The following TNIK variants were observed in gnomAD, a reference collection of about 807,000 sequenced individuals.
TNIK encodes the protein TRAF2 and NCK interacting kinase, also known as TRAF2 and NCK-interacting protein kinase.
A neutral mutation model predicts 191.3 loss-of-function variants in TNIK; 49 were observed. The ratio of observed to expected loss-of-function variants is 0.26; its 90% CI spans 0.20 to 0.32. The LOEUF is 0.32. Ranked by LOEUF, TNIK falls within the 10% of genes least tolerant of loss-of-function variation. The pLI is 1.00. For synonymous variants in TNIK, 594 were observed against 600.9 expected, an observed-to-expected ratio of 0.99 and a Z score of 0.17; for missense variants, 1,155 against 1,702.3, an observed-to-expected ratio of 0.68 and a Z score of 5.66.
intron 7 of TNIK, among the ~76,000 whole-genome samples, chr3:171,187,191 A>T (rs1737469161): frequency 6.6e-6 from 1 of 152,216 alleles, no homozygotes; most frequent in Non-Finnish European, 1.5e-5. Context: ...GCTTGTAGCT[A>T]ATCATGATAC....
chr3:171,456,890 G>A (rs1009156280), intron 1 of TNIK, among the ~76,000 whole-genome samples: 5 of 152,198 alleles, frequency 3.3e-5, no homozygotes, highest in Admixed American at 2.0e-4. Context: ...GAGGAGTCAG[G>A]AAATCTAGAT....
intron 12 of TNIK, among the ~76,000 whole-genome samples, chr3:171,147,496 A>C (rs1731793985): frequency 6.6e-6 from 1 of 152,204 alleles, no homozygotes; most frequent in Non-Finnish European, 1.5e-5. Context: ...CTATAGGGTA[A>C]GGGCATGATT....
chr3:171,077,071 TCC>T (rs34196156), intron 28 of TNIK, among the ~76,000 whole-genome samples: 1 of 142,888 alleles, frequency 7.0e-6, no homozygotes, highest in Non-Finnish European at 1.5e-5. Flanking sequence ...CCTTTCTTGT[TCC>T]CCCCCCCCTT....
intron 2 of TNIK, among the ~76,000 whole-genome samples, chr3:171,343,862 AG>A (rs1711703041): frequency 6.6e-6 from 1 of 152,190 alleles, no homozygotes; most frequent in African/African-American, 2.4e-5. Context: ...GGCATAAATG[AG>A]TTTAGATGCC....
rs1733690949 is a variant in TNIK, at chr3:171,159,473, A to G, written c.1016+1797T>C. Among the ~76,000 whole-genome samples, 2 of 152,300 alleles carry G rather than the reference A, an allele frequency of 1.3e-5. No homozygotes were observed. Among genetic ancestry groups the G allele is most frequent in the South Asian group, 2.1e-4 (1 of 4,824 alleles). ...CTTTGTTCGTGATGTTCCATAGACA[A>G]TGCTTGGCGTCTACTCACAAGCCTT... On this transcript the variant is annotated intron_variant, in intron 11 of 32. Coordinates refer to ENST00000436636, the MANE Select transcript of TNIK (RefSeq NM_015028.4). This position sits in a 1 kb window ranked among gnomAD's most constrained non-coding sequence, Gnocchi z 4.1.
chr3:171,085,824 A>G (rs901886494), intron 24 of TNIK, among the ~76,000 whole-genome samples: 5 of 152,208 alleles, frequency 3.3e-5, no homozygotes, highest in Non-Finnish European at 4.4e-5. Flanking sequence ...CCTTAAAAGA[A>G]TAATTACATT....
intron 9 of TNIK, among the ~76,000 whole-genome samples, chr3:171,172,417 A>G (rs1195877463): frequency 6.6e-6 from 1 of 152,250 alleles, no homozygotes; most frequent in Non-Finnish European, 1.5e-5. Context: ...AAATAATTAA[A>G]ATAAAAAACA....
intron 1 of TNIK, among the ~76,000 whole-genome samples, chr3:171,422,425 A>G (rs758289996): frequency 2.1e-4 from 32 of 152,198 alleles, no homozygotes; most frequent in Non-Finnish European, 4.4e-4. Flanking sequence ...TAGTAAGTCC[A>G]ACTGTAAACA....
chr3:171,332,475 G>T (rs780996448), intron 2 of TNIK, among the ~76,000 whole-genome samples: 1 of 152,106 alleles, frequency 6.6e-6, no homozygotes, highest in Non-Finnish European at 1.5e-5. Flanking sequence ...ACCTCAGCTC[G>T]CAGTGCCACC....
intron 7 of TNIK, among the ~76,000 whole-genome samples, chr3:171,187,316 G>A (rs1737483726): frequency 6.6e-6 from 1 of 152,166 alleles, no homozygotes; most frequent in Non-Finnish European, 1.5e-5. Context: ...TTTGGCAGGA[G>A]ATTAATTTTT....
chr3:171,077,412 T>C (rs977579116), intron 28 of TNIK, among the ~76,000 whole-genome samples: 18 of 152,214 alleles, frequency 1.2e-4, no homozygotes, highest in Non-Finnish European at 1.5e-5. Flanking sequence ...AAGTAAATTT[T>C]TAAGACAGGA....
At chr3:171,148,586 G>A (rs1731961788) in intron 12 of TNIK, among the ~76,000 whole-genome samples, 1 of 152,138 alleles carries the variant, frequency 6.6e-6, no homozygotes, top group Non-Finnish European at 1.5e-5. Context: ...GTCCTATGAA[G>A]ACAAGCCAGT....
chr3:171,269,228 T>C (rs1239705643), intron 2 of TNIK, among the ~76,000 whole-genome samples: 2 of 147,702 alleles, frequency 1.4e-5, no homozygotes, highest in African/African-American at 5.0e-5. Context: ...GTAGCTAGTA[T>C]AATGCAGGCA....
At chr3:171,351,250 A>T (rs1438609128) in intron 2 of TNIK, among the ~76,000 whole-genome samples, 1 of 93,972 alleles carries the variant, frequency 1.1e-5, no homozygotes, top group Non-Finnish European at 2.6e-5. Flanking sequence ...CCATAGAGAA[A>T]ATATATATAT....
chr3:171,224,407 G>A (rs1742731490), intron 3 of TNIK, among the ~76,000 whole-genome samples: 1 of 151,718 alleles, frequency 6.6e-6, no homozygotes, highest in Non-Finnish European at 1.5e-5. Flanking sequence ...CACTGTAAAG[G>A]GACTACTTTA....
chr3:171,261,713 A>G (rs1184614389), intron 2 of TNIK, among the ~76,000 whole-genome samples: 1 of 152,200 alleles, frequency 6.6e-6, no homozygotes, highest in East Asian at 1.9e-4. Context: ...CCTATGGGTC[A>G]TTGCTTCAGG....
chr3:171,209,064 GGTGT>G (rs61264225), intron 4 of TNIK, among the ~76,000 whole-genome samples: 114 of 142,096 alleles, frequency 8.0e-4, no homozygotes, highest in South Asian at 5.9e-3. Context: ...CTTTGGAAGG[GGTGT>G]GTGTGTGTGT....
intron 15 of TNIK, among the ~76,000 whole-genome samples, chr3:171,132,806 T>C (rs1336270657): frequency 1.3e-5 from 2 of 152,342 alleles, no homozygotes; most frequent in South Asian, 2.1e-4. Context: ...TTATAATATG[T>C]AGAGTCCACG....
At chr3:171,184,996 G>A (rs1276974173) in intron 7 of TNIK, among the ~76,000 whole-genome samples, 1 of 152,094 alleles carries the variant, frequency 6.6e-6, no homozygotes, top group Non-Finnish European at 1.5e-5. Flanking sequence ...TGGGATAAGG[G>A]GGTAAGCCAT....
Sources: gnomAD v4.1 joint callset for allele counts (sites outside exome capture counted in the v4.1 genomes callset) on GRCh38, gnomAD v4.1.1 for gene constraint, Gnocchi (gnomAD v3.1) non-coding constraint, MANE v1.5 for transcripts, NCBI Gene and HGNC (gene_info 2026-07-23, HGNC 2026-07-21) for gene names.